Variants in COMMD7 observed in about 807,000 individuals in gnomAD.
COMMD7 encodes COMM domain-containing protein 7.
In COMMD7, 28 loss-of-function variants were observed where a neutral mutation model predicts 34.8. The observed-to-expected ratio is 0.80, with a 90% CI of 0.60 to 1.10. The LOEUF (loss-of-function observed/expected upper bound fraction) is 1.10, where lower values mean the gene tolerates loss of function less well. Ranked by LOEUF, COMMD7 falls within the 50% of genes least tolerant of loss-of-function variation. The pLI, the probability that COMMD7 is intolerant of heterozygous loss-of-function variation, is 0.00. For missense variants in COMMD7, 211 were observed against 241.6 expected (o/e 0.87, Z 0.84); for synonymous variants, 80 against 86.4 (o/e 0.93, Z 0.41).
intron 3 of COMMD7, among the ~76,000 whole-genome samples, chr20:32,710,706 G>A (rs1278176968): frequency 7.2e-6 from 1 of 139,500 alleles, no homozygotes; most frequent in Non-Finnish European, 1.5e-5. Flanking sequence ...TCCAGCCTAT[G>A]TAACAGGGTG....
At chr20:32,717,590 T>C (rs1397727915) in intron 3 of COMMD7, among the ~76,000 whole-genome samples, 1 of 152,048 alleles carries the variant, frequency 6.6e-6, no homozygotes, top group Non-Finnish European at 1.5e-5. Context: ...CCTCCCAAAG[T>C]GCTGGGATTA....
intron 3 of COMMD7, 37 bp from the exon 4 acceptor site, chr20:32,706,797 C>A: frequency 3.2e-6 from 5 of 1,559,066 alleles, no homozygotes; most frequent in Non-Finnish European, 3.5e-6. Context: ...GAAAGGCAGA[C>A]CAGTGAATTA....
intron 1 of COMMD7, among the ~76,000 whole-genome samples, chr20:32,733,868 T>G (rs1601003692): frequency 6.1e-5 from 7 of 114,198 alleles, no homozygotes; most frequent in East Asian, 2.6e-4. Context: ...CTGGGCGGAG[T>G]GGAACTCCTT....
rs764422132 is a variant in COMMD7 at position 32,706,720 on chromosome 20, C to T, written c.282G>A (p.Ala94=). Residue 94 remains alanine, a synonymous_variant, in exon 4 of 9, where the codon GCG becomes GCA. Coordinates refer to ENST00000278980, the MANE Select transcript of COMMD7 (RefSeq NM_053041.3). ...ATGACCTACCCAGAGTTATGAAATC[C>T]GCCTGGACCTGCTTGGCTGTGAGAC... ...KKSLTAKQVQ[A]DFITLGLSEE... The T allele has an allele frequency of 1.7e-5, 27 of 1,613,872 alleles. No individual in the cohort carries two copies. Among genetic ancestry groups the T allele is most frequent in the East Asian group, 4.5e-5 (2 of 44,850 alleles).
At chr20:32,731,047 C>T (rs530420460) in intron 1 of COMMD7, among the ~76,000 whole-genome samples, 8 of 152,224 alleles carry the variant, frequency 5.3e-5, no homozygotes, top group South Asian at 2.1e-4. Flanking sequence ...TAAAAGAAAA[C>T]GAAACTGGGT....
chr20:32,739,105 T>G (rs1986291762), intron 1 of COMMD7, among the ~76,000 whole-genome samples: 1 of 152,176 alleles, frequency 6.6e-6, no homozygotes, highest in African/African-American at 2.4e-5. Flanking sequence ...CTCAATATAT[T>G]AATATCGTAT....
At position 32,704,794 on chromosome 20, in the gene COMMD7, G is replaced by T. The variant is rs367951082; in HGVS notation, c.427+20C>A. ...ACCCTGTACCACCCAAATAACCCAG[G>T]ACTGGTTGTAACTAGTTACCTCCAA... On this transcript the variant is annotated intron_variant, in intron 6 of 8. Transcript: ENST00000278980. The T allele has an allele frequency of 1.4e-5, 22 of 1,575,552 alleles. No homozygotes were observed. Among genetic ancestry groups the T allele is most frequent in the Middle Eastern group, 1.7e-4 (1 of 6,006 alleles).
intron 1 of COMMD7, among the ~76,000 whole-genome samples, chr20:32,735,999 A>G (rs1043150715): frequency 1.3e-5 from 2 of 152,190 alleles, no homozygotes; most frequent in African/African-American, 4.8e-5. Flanking sequence ...GGGACTGGCC[A>G]CGGGCATCAA....
chr20:32,729,550 A>AT (rs1192528255), intron 1 of COMMD7, among the ~76,000 whole-genome samples: 2 of 150,438 alleles, frequency 1.3e-5, no homozygotes, highest in Non-Finnish European at 3.0e-5. Flanking sequence ...GGAGACCAAG[A>AT]TGGGAGGATT....
At chr20:32,705,186 C>A (rs1169952943) in intron 5 of COMMD7, among the ~76,000 whole-genome samples, 1 of 151,912 alleles carries the variant, frequency 6.6e-6, no homozygotes, top group Non-Finnish European at 1.5e-5. Flanking sequence ...CCCCACATGG[C>A]TTCTACTAGA....
intron 3 of COMMD7, among the ~76,000 whole-genome samples, chr20:32,718,833 A>C (rs1439701895): frequency 6.6e-6 from 1 of 152,010 alleles, no homozygotes; most frequent in Admixed American, 6.6e-5. Context: ...CTTCACAGAT[A>C]CTGGTTAAGC....
chr20:32,726,203 C>A (rs1297041761), intron 3 of COMMD7, among the ~76,000 whole-genome samples: 1 of 151,896 alleles, frequency 6.6e-6, no homozygotes, highest in East Asian at 1.9e-4. Context: ...CCAGCCTGGC[C>A]AAAACAGTGA....
chr20:32,727,929 T>C lies in COMMD7; in HGVS notation c.205A>G (p.Arg69Gly). The change falls in exon 3 of 9, where the codon AGA (arginine) becomes GGA (glycine). Residue 69 changes from arginine (R) to glycine (G), a missense_variant. Coordinates refer to ENST00000278980, the MANE Select transcript of COMMD7 (RefSeq NM_053041.3). Reference protein sequence around the residue: ...TTNQISLGSLRSIVKSLLLVP... With the variant: ...TTNQISLGSLGSIVKSLLLVP... The stretch of plus-strand genomic sequence containing the variant: ...AGAAGGAGGCTTTTCACGATGCTTC[T>C]GAGGGAGCCAAGACTGATCTGATTG... 1.2e-6 allele frequency: 2 copies of C among 1,614,140 alleles called. No homozygotes were observed. Among genetic ancestry groups the C allele is most frequent in the South Asian group, 1.1e-5 (1 of 91,082 alleles).
chr20:32,729,333 T>G (rs1985706678), intron 1 of COMMD7, among the ~76,000 whole-genome samples: 1 of 151,682 alleles, frequency 6.6e-6, no homozygotes, highest in Non-Finnish European at 1.5e-5. Flanking sequence ...CACACCTGGA[T>G]AATTTTTGTA....
intron 1 of COMMD7, among the ~76,000 whole-genome samples, chr20:32,741,450 G>A (rs6119945): frequency 0.18 from 27,186 of 151,292 alleles, 2,589 homozygotes; most frequent in South Asian, 0.28. Flanking sequence ...GAATGCAGTG[G>A]TGCAATCGCA....
chr20:32,705,319 T>C (rs2145706043), intron 5 of COMMD7, among the ~76,000 whole-genome samples: 1 of 150,514 alleles, frequency 6.6e-6, no homozygotes, highest in South Asian at 2.1e-4. Flanking sequence ...TATGTGTATA[T>C]ATATACATAC....
intron 1 of COMMD7, among the ~76,000 whole-genome samples, chr20:32,739,615 A>G (rs1986320774): frequency 9.0e-6 from 1 of 110,802 alleles, no homozygotes; most frequent in Non-Finnish European, 1.8e-5. Flanking sequence ...ACTGTACTCC[A>G]GCCTCGGTGA....
chr20:32,712,777 A>T (rs531641190), intron 3 of COMMD7, among the ~76,000 whole-genome samples: 5 of 115,198 alleles, frequency 4.3e-5, no homozygotes, highest in Non-Finnish European at 8.3e-5. Flanking sequence ...TTCGAGACAG[A>T]GTCTCACTCT....
At chr20:32,736,949 G>A (rs1218676586) in intron 1 of COMMD7, among the ~76,000 whole-genome samples, 2 of 152,114 alleles carry the variant, frequency 1.3e-5, no homozygotes, top group South Asian at 2.1e-4. Flanking sequence ...AGGAGGCTGA[G>A]GCAGGTGGAT....
Sources: gnomAD v4.1 joint callset for allele counts (sites outside exome capture counted in the v4.1 genomes callset) on GRCh38, gnomAD v4.1.1 for gene constraint, MANE v1.5 for transcripts, NCBI Gene and HGNC (gene_info 2026-07-23, HGNC 2026-07-21) for gene names.